The following MSI2 variants were observed in gnomAD, a reference collection of about 807,000 sequenced individuals.
MSI2 encodes musashi RNA binding protein 2.
In MSI2, 17 loss-of-function variants were observed where a neutral mutation model predicts 45.6. The observed-to-expected ratio is 0.37, with a 90% CI of 0.26 to 0.56. The LOEUF (loss-of-function observed/expected upper bound fraction) is 0.56, where lower values mean the gene tolerates loss of function less well. Among genes scored for constraint, MSI2 ranks in the 20% least tolerant of loss-of-function variants. The probability of loss-of-function intolerance (pLI) is 0.77; values close to 1 mark genes in which losing one functional copy is unlikely to be tolerated. For missense variants in MSI2, 293 were observed against 444.2 expected (o/e 0.66, Z 3.06); for synonymous variants, 156 against 158.2 (o/e 0.99, Z 0.11).
chr17:57,338,370 A>G (rs914108242), intron 5 of MSI2, among the ~76,000 whole-genome samples: 3 of 152,132 alleles, frequency 2.0e-5, no homozygotes, highest in African/African-American at 7.2e-5. Context: ...GATTACAGGC[A>G]TGAACCACTG....
At chr17:57,292,112 GAGA>G (rs1378520595) in intron 5 of MSI2, among the ~76,000 whole-genome samples, 2 of 152,046 alleles carry the variant, frequency 1.3e-5, no homozygotes, top group African/African-American at 4.8e-5. Flanking sequence ...CGCATTCACC[GAGA>G]AGGTCCAGTG....
intron 5 of MSI2, among the ~76,000 whole-genome samples, chr17:57,339,509 T>C (rs1388188570): frequency 6.6e-6 from 1 of 152,128 alleles, no homozygotes; most frequent in Non-Finnish European, 1.5e-5. Flanking sequence ...GCCCCCTCCC[T>C]GTGGCACGGA....
chr17:57,434,056 A>G (rs2084648072), intron 6 of MSI2, among the ~76,000 whole-genome samples: 1 of 152,172 alleles, frequency 6.6e-6, no homozygotes, highest in Admixed American at 6.5e-5. Context: ...TAATACATCC[A>G]TCACTTCACA....
In MSI2 at chr17:57,256,981, AC is replaced by A. The variant is rs1340957787; in HGVS notation, c.63-115del. The A allele has an allele frequency of 1.1e-5, 14 of 1,328,960 alleles. No homozygotes were observed. In the African/African-American group the frequency reaches 2.1e-4, roughly 20 times the overall value. 82.3% of individuals were successfully genotyped at this position (1,328,960 alleles called of 1,614,324 possible). A position where few individuals can be genotyped will look rare whatever the true frequency, so the allele number is the denominator to read the frequency against. On this transcript the variant is annotated intron_variant, in intron 1 of 13. Transcript: ENST00000284073. ...TCGCCGTCACCTTCTCCCCCACCCC[AC>A]CTCCCGGCTCTCGCTCGCTCGCTCC...
At chr17:57,444,269 A>T (rs1293021581) in intron 6 of MSI2, among the ~76,000 whole-genome samples, 1 of 152,116 alleles carries the variant, frequency 6.6e-6, no homozygotes, top group Non-Finnish European at 1.5e-5. Context: ...AGATTCTATT[A>T]TCTGCTCTAG....
At chr17:57,548,898 T>TCCCTC (rs2087234153) in intron 7 of MSI2, among the ~76,000 whole-genome samples, 2 of 121,300 alleles carry the variant, frequency 1.6e-5, no homozygotes, top group Non-Finnish European at 3.4e-5. Context: ...TGTTTACCCT[T>TCCCTC]CCCCCCCCCA....
the MSI2 span, among the ~76,000 whole-genome samples, chr17:57,693,333 C>T: frequency 6.6e-6 from 1 of 152,102 alleles, no homozygotes. Context: ...CAAGTGTGTG[C>T]ACCACACCTG....
chr17:57,540,206 T>A (rs1183602148), intron 7 of MSI2, among the ~76,000 whole-genome samples: 1 of 152,248 alleles, frequency 6.6e-6, no homozygotes, highest in Non-Finnish European at 1.5e-5. Context: ...AGTTTATCTG[T>A]GTGAAACATC....
intron 6 of MSI2, among the ~76,000 whole-genome samples, chr17:57,476,157 A>C (rs1164460110): frequency 6.6e-6 from 1 of 152,226 alleles, no homozygotes; most frequent in Non-Finnish European, 1.5e-5. Flanking sequence ...AGTGCCTGCC[A>C]CTCACAACAT....
chr17:57,316,785 G>T (rs1460470778), intron 5 of MSI2, among the ~76,000 whole-genome samples: 1 of 152,170 alleles, frequency 6.6e-6, no homozygotes, highest in South Asian at 2.1e-4. Flanking sequence ...CTGAGTGAAG[G>T]CTTGAGGTCC....
chr17:57,492,410 A>C (rs2332931), intron 6 of MSI2, among the ~76,000 whole-genome samples: 1 of 152,178 alleles, frequency 6.6e-6, no homozygotes, highest in Non-Finnish European at 1.5e-5. Context: ...GCATTTGACC[A>C]GATCAATACT....
intron 5 of MSI2, among the ~76,000 whole-genome samples, chr17:57,371,550 TACAC>T (rs72265561): frequency 7.0e-5 from 10 of 143,386 alleles, no homozygotes; most frequent in South Asian, 2.2e-4. Flanking sequence ...GACACAGGTA[TACAC>T]ACACACACAC....
intron 5 of MSI2, among the ~76,000 whole-genome samples, chr17:57,382,804 T>C (rs763966977): frequency 2.0e-5 from 3 of 152,216 alleles, no homozygotes; most frequent in Non-Finnish European, 4.4e-5. Flanking sequence ...CTAAGCCAAA[T>C]GTCTTACGAT....
At chr17:57,337,987 T>C (rs1214040635) in intron 5 of MSI2, among the ~76,000 whole-genome samples, 1 of 152,228 alleles carries the variant, frequency 6.6e-6, no homozygotes, top group African/African-American at 2.4e-5. Flanking sequence ...TGTAAAAACA[T>C]GATTTTTAAT....
At chr17:57,325,205 A>G (rs950358908) in intron 5 of MSI2, among the ~76,000 whole-genome samples, 5 of 152,238 alleles carry the variant, frequency 3.3e-5, no homozygotes, top group Admixed American at 3.3e-4. Context: ...CATTATTCTA[A>G]ATGAAGTGAC....
intron 8 of MSI2, among the ~76,000 whole-genome samples, chr17:57,607,657 C>T (rs894260696): frequency 6.6e-6 from 1 of 152,140 alleles, no homozygotes; most frequent in African/African-American, 2.4e-5. Context: ...GCCGTTCTCG[C>T]GTTGCTATAA....
chr17:57,305,599 G>A (rs1004992336), intron 5 of MSI2, among the ~76,000 whole-genome samples: 1 of 152,140 alleles, frequency 6.6e-6, no homozygotes, highest in African/African-American at 2.4e-5. Flanking sequence ...TTTGATATCG[G>A]GCAGTTCAGG....
At chr17:57,420,891 C>T (rs2084383262) in intron 6 of MSI2, among the ~76,000 whole-genome samples, 1 of 152,234 alleles carries the variant, frequency 6.6e-6, no homozygotes, top group African/African-American at 2.4e-5. Context: ...GCAGTTCAGG[C>T]GCAGAGCGAG....
In MSI2 at chr17:57,295,602, G is replaced by T. The variant is rs144612431; in HGVS notation, c.312+33410G>T. 1.4e-3 allele frequency among the ~76,000 whole-genome samples: 211 copies of T among 152,240 alleles called. 1 individual carries two copies. Among genetic ancestry groups the T allele is most frequent in the African/African-American group, 4.6e-3 (190 of 41,538 alleles). ...GAATAGACTTATTAAGGTGGTGGGT[G>T]TGCCCTGTGTCTCTCTTCTTTAAAC... On this transcript the variant is annotated intron_variant, in intron 5 of 13. Transcript: ENST00000284073.
Sources: allele counts gnomAD v4.1 joint callset (sites outside exome capture counted in the v4.1 genomes callset), GRCh38; gene constraint gnomAD v4.1.1; transcripts MANE v1.5; gene names NCBI Gene and HGNC (gene_info 2026-07-23, HGNC 2026-07-21).